Variants in KCNH1 observed in about 807,000 individuals in gnomAD.
The protein encoded by KCNH1 is potassium voltage-gated channel subfamily H member 1.
A neutral mutation model predicts 69.2 loss-of-function variants in KCNH1; 27 were observed. The ratio of observed to expected loss-of-function variants is 0.39; its 90% CI spans 0.29 to 0.54. The LOEUF (loss-of-function observed/expected upper bound fraction) is 0.54. Among genes scored for constraint, KCNH1 ranks in the 20% least tolerant of loss-of-function variants. KCNH1 has a pLI of 0.68. For synonymous variants in KCNH1, 456 were observed against 487.7 expected, an observed-to-expected ratio of 0.93 and a Z score of 0.86; for missense variants, 798 against 1,261.6, an observed-to-expected ratio of 0.63 and a Z score of 5.57.
At chr1:211,127,983 G>A (rs896081665) in intron 1 of KCNH1, among the ~76,000 whole-genome samples, 5 of 152,140 alleles carry the variant, frequency 3.3e-5, no homozygotes, top group East Asian at 1.9e-4. Flanking sequence ...TATAAAGCAC[G>A]ATGCAGCAGT....
At chr1:211,100,641 G>A (rs1161449157) in intron 3 of KCNH1, among the ~76,000 whole-genome samples, 1 of 152,196 alleles carries the variant, frequency 6.6e-6, no homozygotes, top group East Asian at 1.9e-4. Context: ...ATGAGCCACT[G>A]CACCCGGCCC....
chr1:211,084,311 C>A (rs1476771029), intron 4 of KCNH1, among the ~76,000 whole-genome samples: 1 of 152,132 alleles, frequency 6.6e-6, no homozygotes, highest in East Asian at 1.9e-4. Flanking sequence ...AAAAGCTTTT[C>A]GAGAAGAGCA....
intron 4 of KCNH1, among the ~76,000 whole-genome samples, chr1:211,086,384 A>G (rs17267414): frequency 0.22 from 32,696 of 151,990 alleles, 3,700 homozygotes; most frequent in Non-Finnish European, 0.23. Context: ...ATTGAGCTCA[A>G]ATGAAGAAAC....
At chr1:211,064,290 G>T (rs769201021) in intron 5 of KCNH1, among the ~76,000 whole-genome samples, 1 of 152,226 alleles carries the variant, frequency 6.6e-6, no homozygotes, top group Admixed American at 6.5e-5. Context: ...GCCGGGCACG[G>T]TGGCTCACGC....
chr1:211,020,873 G>A (rs12078498), intron 5 of KCNH1, among the ~76,000 whole-genome samples: 7,422 of 151,598 alleles, frequency 0.049, 575 homozygotes, highest in African/African-American at 0.17. Flanking sequence ...CACATCAGCA[G>A]TAGGGAAAAA....
chr1:210,747,980 A>T (rs1683199521), intron 10 of KCNH1, among the ~76,000 whole-genome samples: 1 of 152,240 alleles, frequency 6.6e-6, no homozygotes, highest in Non-Finnish European at 1.5e-5. Flanking sequence ...TGAGAAAAAG[A>T]CAGTCAGTAC....
At chr1:211,071,652 A>G (rs1362078109) in intron 5 of KCNH1, among the ~76,000 whole-genome samples, 2 of 152,188 alleles carry the variant, frequency 1.3e-5, no homozygotes, top group Non-Finnish European at 2.9e-5. Flanking sequence ...ATATTTTACG[A>G]TAATAATAAA....
chr1:211,040,328 T>C (rs775952464), intron 5 of KCNH1, among the ~76,000 whole-genome samples: 4 of 152,174 alleles, frequency 2.6e-5, no homozygotes, highest in African/African-American at 9.6e-5. Context: ...CAACTTGAAT[T>C]GTATCTCCCA....
chr1:210,762,661 G>T (rs1422694711), intron 10 of KCNH1, among the ~76,000 whole-genome samples: 3 of 151,932 alleles, frequency 2.0e-5, no homozygotes, highest in Non-Finnish European at 2.9e-5. Flanking sequence ...TAACCTCTCA[G>T]GATTGAATCA....
intron 6 of KCNH1, among the ~76,000 whole-genome samples, chr1:210,960,771 AG>A (rs1199425656): frequency 2.0e-5 from 3 of 152,216 alleles, no homozygotes; most frequent in South Asian, 4.1e-4. Flanking sequence ...AGTAAATAAA[AG>A]TCAAGTAGCA....
chr1:210,929,283 A>G (rs1238045491), intron 6 of KCNH1, among the ~76,000 whole-genome samples: 1 of 152,206 alleles, frequency 6.6e-6, no homozygotes, highest in Non-Finnish European at 1.5e-5. Context: ...CCTTAACAAA[A>G]TACTAGCAAA....
In KCNH1 at chr1:211,065,367, T is replaced by C. The variant is rs148575167; in HGVS notation, c.558+17413A>G. ...TGGAACTGGAGGACATTGTGTTAAG[T>C]GAAATAAGTCAAGCCCAGAAAGACA... On this transcript the variant is annotated intron_variant, in intron 5 of 10. Transcript: ENST00000271751. Among the ~76,000 whole-genome samples, 1,213 of 152,184 alleles carry C rather than the reference T, an allele frequency of 8.0e-3. 17 individuals carry two copies. Among genetic ancestry groups the C allele is most frequent in the African/African-American group, 0.026 (1,059 of 41,512 alleles).
intron 9 of KCNH1, among the ~76,000 whole-genome samples, chr1:210,778,400 G>C (rs1287149842): frequency 6.6e-6 from 1 of 152,112 alleles, no homozygotes; most frequent in African/African-American, 2.4e-5. Context: ...GCATGCACCT[G>C]TAGTTCCAAC....
intron 7 of KCNH1, among the ~76,000 whole-genome samples, chr1:210,837,679 G>A (rs142526353): frequency 6.6e-6 from 1 of 152,192 alleles, no homozygotes; most frequent in African/African-American, 2.4e-5. Flanking sequence ...CCTTGGAATC[G>A]GCCATCCCTA....
At chr1:210,871,959 G>C (rs1040112262) in intron 7 of KCNH1, among the ~76,000 whole-genome samples, 2 of 150,390 alleles carry the variant, frequency 1.3e-5, no homozygotes, top group Admixed American at 1.3e-4. Context: ...GCTAGAGGAC[G>C]AGTTAGTGGG....
At chr1:210,784,519 G>A (rs749791870) in intron 9 of KCNH1, among the ~76,000 whole-genome samples, 5 of 152,100 alleles carry the variant, frequency 3.3e-5, no homozygotes, top group African/African-American at 4.8e-5. Flanking sequence ...GTGCTTAACC[G>A]ACATGTTTTT....
chr1:210,707,464 A>C (rs1231413603), intron 10 of KCNH1, among the ~76,000 whole-genome samples: 1 of 152,156 alleles, frequency 6.6e-6, no homozygotes, highest in Non-Finnish European at 1.5e-5. Context: ...ACAAGCAATT[A>C]CTGGTAGTAA....
At chr1:210,759,174 C>CACACAT (rs1165296926) in intron 10 of KCNH1, among the ~76,000 whole-genome samples, 2 of 151,552 alleles carry the variant, frequency 1.3e-5, no homozygotes, top group Non-Finnish European at 2.9e-5. Flanking sequence ...CACACACACA[C>CACACAT]ACATATTTTA....
At chr1:210,723,830 A>C (rs1053461217) in intron 10 of KCNH1, among the ~76,000 whole-genome samples, 2 of 152,190 alleles carry the variant, frequency 1.3e-5, no homozygotes, top group Non-Finnish European at 2.9e-5. Context: ...ATGGTTGGGC[A>C]GCATTGATGC....
Sources: allele counts gnomAD v4.1 joint callset (sites outside exome capture counted in the v4.1 genomes callset), GRCh38; gene constraint gnomAD v4.1.1; transcripts MANE v1.5; gene names NCBI Gene and HGNC (gene_info 2026-07-23, HGNC 2026-07-21).